UNC13A: variants seen among roughly 807,000 people sequenced by gnomAD.
UNC13A encodes unc-13 homolog A.
In UNC13A, 61 loss-of-function variants were observed where a neutral mutation model predicts 219.7. The observed-to-expected ratio is 0.28, with a 90% CI of 0.23 to 0.34. The LOEUF is 0.34. Among genes scored for constraint, UNC13A ranks in the 10% least tolerant of loss-of-function variants. The pLI is 1.00. For synonymous variants in UNC13A, 920 were observed against 884.6 expected (o/e 1.04, Z -0.71); for missense variants, 1,476 against 2,270.3 (o/e 0.65, Z 7.11).
chr19:17,606,322 T>G lies in UNC13A; in HGVS notation c.4844A>C (p.Tyr1615Ser). The change falls in exon 44 of 44, where the codon TAT becomes TCT. Residue 1615 changes from tyrosine (Y) to serine (S), a missense_variant. Around this residue, in one of 14 missense-constraint regions of UNC13A, gnomAD observed 187 missense variants for 172.3 expected, o/e 1.09. Transcript: ENST00000519716. ...GTCCTTGACGCACACCTGCAGCTCA[T>G]AGCACTCGGGACCCGCGTCGGCGCT... ...TLSADAGPEC[Y>S]ELQVCVKDYC... The G allele has an allele frequency of 6.5e-7, 1 of 1,548,614 alleles. No individual in the cohort carries two copies.
At chr19:17,615,863 C>T (rs977444962) in intron 41 of UNC13A, among the ~76,000 whole-genome samples, 10 of 152,106 alleles carry the variant, frequency 6.6e-5, no homozygotes, top group Non-Finnish European at 1.3e-4. Context: ...AGTCCCAGCT[C>T]CTCGGGAGGC....
At chr19:17,655,613 A>C (rs1357595061) in intron 10 of UNC13A, among the ~76,000 whole-genome samples, 1 of 152,074 alleles carries the variant, frequency 6.6e-6, no homozygotes, top group Non-Finnish European at 1.5e-5. Context: ...TCACCAGCCC[A>C]GCCCCTCTGG....
intron 38 of UNC13A, among the ~76,000 whole-genome samples, chr19:17,619,332 G>T (rs66546736): frequency 0.29 from 44,189 of 151,740 alleles, 7,234 homozygotes; most frequent in Non-Finnish European, 0.36. Context: ...GGCTGAGGTT[G>T]CAGAAAATGG....
chr19:17,665,619 C>T (rs2079626026), intron 7 of UNC13A, among the ~76,000 whole-genome samples: 1 of 152,138 alleles, frequency 6.6e-6, no homozygotes, highest in South Asian at 2.1e-4. Context: ...CCTCTTGGGC[C>T]TCAGTTTCTC....
In UNC13A at chr19:17,627,652, G is replaced by T; in HGVS notation, c.3832-55C>A. ...GTTCAGTAAGTATCCACATGTACTG[G>T]GCATTTTCTCATCTGACCCAGGGAA... On this transcript the variant is annotated intron_variant, in intron 32 of 43. Transcript: ENST00000519716. The surrounding 1 kb of genome is among the most constrained non-coding windows in gnomAD (Gnocchi z 4.7). The T allele has an allele frequency of 6.9e-7, 1 of 1,451,940 alleles. No individual in the cohort carries two copies. The highest frequency in any genetic ancestry group is 9.5e-7 in the Non-Finnish European group (1 of 1,054,950). 89.9% of individuals were successfully genotyped at this position (1,451,940 alleles called of 1,614,324 possible). A position where few individuals can be genotyped will look rare whatever the true frequency, so the allele number is the denominator to read the frequency against.
In UNC13A at chr19:17,627,522, C is replaced by G; in HGVS notation, c.3907G>C (p.Val1303Leu). The change falls in exon 33 of 44, where the codon GTG becomes CTG. Residue 1303 changes from valine to leucine, a missense_variant. By Grantham distance (32) the Val-to-Leu change is conservative. Transcript: ENST00000519716. This position sits in a 1 kb window ranked among gnomAD's most constrained non-coding sequence, Gnocchi z 4.7. ...AGATGCTCCCACCTGGTAGCAAACA[C>G]CCGGCTGAGCTCATCCAAGACGTTA... ...LNNVLDELSR[V>L]FATSFQPHIE... 1 of 1,560,164 alleles carries G rather than the reference C, an allele frequency of 6.4e-7. No homozygotes were observed. Among genetic ancestry groups the G allele is most frequent in the Non-Finnish European group, 8.7e-7 (1 of 1,151,608 alleles).
At chr19:17,620,618 G>A in intron 38 of UNC13A, 75 bp downstream of exon 38, 1 of 1,450,852 alleles carries the variant, frequency 6.9e-7, no homozygotes. Context: ...GAACCACAGA[G>A]GTGGAAGGGG....
chr19:17,631,144 GC>G (rs1555778834), intron 28 of UNC13A, among the ~76,000 whole-genome samples: 658 of 106,380 alleles, frequency 6.2e-3, no homozygotes, highest in Middle Eastern at 0.025. Context: ...TATTCTCTGA[GC>G]TCTTGTTTTC....
At chr19:17,616,419 T>C (rs993235255) in intron 41 of UNC13A, 2 of 671,312 alleles carry the variant, frequency 3.0e-6, no homozygotes, top group African/African-American at 3.6e-5. Context: ...CTTCTCAGGA[T>C]AAATGTCTTC....
intron 20 of UNC13A, 81 bp downstream of exon 20, chr19:17,642,764 T>C: frequency 1.6e-6 from 2 of 1,212,186 alleles, no homozygotes; most frequent in Non-Finnish European, 2.4e-6. Flanking sequence ...GTGTGGATGG[T>C]GTGGCCAGAA....
chr19:17,649,065 G>T lies in UNC13A; in HGVS notation c.1525-82C>A. The T allele has an allele frequency of 7.1e-7, 1 of 1,417,746 alleles. No homozygotes were observed. Among genetic ancestry groups the T allele is most frequent in the Non-Finnish European group, 9.6e-7 (1 of 1,044,650 alleles). 87.8% of individuals were successfully genotyped at this position (1,417,746 alleles called of 1,614,324 possible). On this transcript the variant is annotated intron_variant, in intron 14 of 43. Coordinates refer to ENST00000519716, the MANE Select transcript of UNC13A (RefSeq NM_001080421.3). This position sits in a 1 kb window ranked among gnomAD's most constrained non-coding sequence, Gnocchi z 4.4. ...AGGAGAGTTCACAGCCACGGATGGG[G>T]CCAGCAGCCACATTTTGGAGCCACA...
In UNC13A at chr19:17,688,310, C is replaced by G; in HGVS notation, c.-111G>C. ...GGCTGCAGCCCGCGCTTGGCTCACG[C>G]CGGGGCCCGGCCGCCACCGGCCATC... On this transcript the variant is annotated 5_prime_UTR_variant, in exon 1 of 44. Coordinates refer to ENST00000519716, the MANE Select transcript of UNC13A (RefSeq NM_001080421.3). 1 of 1,331,838 alleles carries G rather than the reference C, an allele frequency of 7.5e-7. No homozygotes were observed. The allele number at this position is 1,331,838 out of a possible 1,614,324, so 82.5% of individuals were successfully genotyped here.
intron 24 of UNC13A, 55 bp from the exon 25 acceptor site, chr19:17,639,272 G>C (rs1452776556): frequency 3.1e-6 from 5 of 1,608,304 alleles, no homozygotes; most frequent in Non-Finnish European, 4.2e-6. Context: ...AGGTCCCCAG[G>C]AAGTGACTGC....
intron 34 of UNC13A, among the ~76,000 whole-genome samples, chr19:17,626,056 T>C (rs1191136090): frequency 6.7e-6 from 1 of 149,662 alleles, no homozygotes; most frequent in East Asian, 2.0e-4. Context: ...TACCCACCCA[T>C]CCATTTATTC....
intron 43 of UNC13A, among the ~76,000 whole-genome samples, chr19:17,608,156 C>T (rs975305012): frequency 1.1e-4 from 17 of 148,306 alleles, no homozygotes; most frequent in Non-Finnish European, 1.6e-4. Flanking sequence ...AAGCGATTCT[C>T]CTGTCTCAGC....
chr19:17,675,321 A>G (rs1441725102), intron 2 of UNC13A, among the ~76,000 whole-genome samples: 1 of 151,670 alleles, frequency 6.6e-6, no homozygotes, highest in African/African-American at 2.4e-5. Context: ...AAAAATAAAA[A>G]TTTTAAATAA....
rs1349911539 is a variant in UNC13A at position 17,633,121 on chromosome 19, C to T, written c.3288G>A (p.Lys1096=). ...TGGGAAACTCACCCTCCATGGCGTA[C>T]TTCATGTCTTGGGCAAACAGATTCC... ...VMWNLFAQDM[K]YAMEEHDKHR... is the part of the protein sequence containing the mutation. Residue 1096 remains lysine (K), a synonymous_variant, in exon 27 of 44, where the codon AAG becomes AAA. Coordinates refer to ENST00000519716, the MANE Select transcript of UNC13A (RefSeq NM_001080421.3). The T allele has an allele frequency of 1.2e-6, 2 of 1,614,126 alleles. No individual in the cohort carries two copies. Among genetic ancestry groups the T allele is most frequent in the Admixed American group, 1.7e-5 (1 of 60,018 alleles).
chr19:17,643,507 C>A lies in UNC13A; in HGVS notation c.2357-547G>T, dbSNP rs930964738. Among the ~76,000 whole-genome samples the A allele has an allele frequency of 5.3e-5, 8 of 151,790 alleles. 1 individual carries two copies. In the East Asian group the frequency reaches 9.7e-4, roughly 18 times the overall value. ...CCTAATTTTTTATTTTTAGTAGAGA[C>A]GAGGTTTCACCATGTTGGCCAGGCT... On this transcript the variant is annotated intron_variant, in intron 19 of 43. Coordinates refer to ENST00000519716, the MANE Select transcript of UNC13A (RefSeq NM_001080421.3).
intron 1 of UNC13A, among the ~76,000 whole-genome samples, chr19:17,680,405 A>G (rs2079984546): frequency 6.6e-6 from 1 of 150,882 alleles, no homozygotes; most frequent in African/African-American, 2.4e-5. Context: ...AGGGCGTGGG[A>G]GGCGCGCCGG....
Sources: gnomAD v4.1 joint callset for allele counts (sites outside exome capture counted in the v4.1 genomes callset) on GRCh38, gnomAD v4.1.1 for gene constraint, gnomAD v4.1.1 regional missense constraint, Gnocchi (gnomAD v3.1) non-coding constraint, MANE v1.5 for transcripts, NCBI Gene and HGNC (gene_info 2026-07-23, HGNC 2026-07-21) for gene names.